The following BEND6 variants were observed in gnomAD, a reference collection of about 807,000 sequenced individuals.
BEND6 encodes the protein BEN domain-containing protein 6.
BEND6 carries 24 observed loss-of-function variants against 31.8 expected under a neutral mutation model. That is an observed-to-expected ratio of 0.75 (90% CI 0.55 to 1.06). The LOEUF (loss-of-function observed/expected upper bound fraction) is 1.06, where lower values mean the gene tolerates loss of function less well. Ranked by LOEUF, BEND6 falls within the 50% of genes least tolerant of loss-of-function variation. The pLI is 0.00. For synonymous variants in BEND6, 109 were observed against 114.6 expected, an observed-to-expected ratio of 0.95 and a Z score of 0.31; for missense variants, 294 against 327.4, an observed-to-expected ratio of 0.90 and a Z score of 0.79.
At chr6:56,957,710 A>G (rs1482806410) in intron 1 of BEND6, among the ~76,000 whole-genome samples, 1 of 152,234 alleles carries the variant, frequency 6.6e-6, no homozygotes, top group Non-Finnish European at 1.5e-5. Flanking sequence ...AAAATTCATA[A>G]TGGAAAAGTA....
At chr6:56,999,532 A>G (rs1826846418) in intron 3 of BEND6, among the ~76,000 whole-genome samples, 1 of 152,174 alleles carries the variant, frequency 6.6e-6, no homozygotes, top group South Asian at 2.1e-4. Flanking sequence ...AACTAGGCAC[A>G]CCTCTGGGCG....
chr6:56,998,962 G>A (rs998847508), intron 3 of BEND6, among the ~76,000 whole-genome samples: 1 of 152,182 alleles, frequency 6.6e-6, no homozygotes, highest in Non-Finnish European at 1.5e-5. Context: ...AAATAATTCT[G>A]TTTAAAAATG....
chr6:57,023,087 G>A, intron 6 of BEND6, among the ~76,000 whole-genome samples: 1 of 152,292 alleles, frequency 6.6e-6, no homozygotes, highest in Middle Eastern at 3.4e-3. Context: ...TGAAAACAAT[G>A]TGTATTTTAT....
At chr6:56,972,946 A>G (rs1825740388) in intron 1 of BEND6, among the ~76,000 whole-genome samples, 1 of 152,216 alleles carries the variant, frequency 6.6e-6, no homozygotes, top group Admixed American at 6.5e-5. Context: ...TAGTGGCCCT[A>G]TAAGATAGAC....
chr6:57,024,943 G>A (rs867526241), intron 6 of BEND6, among the ~76,000 whole-genome samples: 41 of 152,064 alleles, frequency 2.7e-4, no homozygotes, highest in African/African-American at 9.7e-4. Context: ...TTTTCAAAAA[G>A]CCTGTCTTTG....
At chr6:56,962,046 C>T (rs769596621) in intron 1 of BEND6, among the ~76,000 whole-genome samples, 27 of 152,186 alleles carry the variant, frequency 1.8e-4, no homozygotes, top group Non-Finnish European at 2.1e-4. Flanking sequence ...AGGGCTCTGC[C>T]CTCATGAATG....
At chr6:57,018,968 T>A (rs1297779468) in intron 6 of BEND6, among the ~76,000 whole-genome samples, 1 of 152,190 alleles carries the variant, frequency 6.6e-6, no homozygotes, top group African/African-American at 2.4e-5. Flanking sequence ...CAGAGGAGAT[T>A]TAGACCCTTG....
chr6:56,964,505 T>C (rs1183526761), intron 1 of BEND6, among the ~76,000 whole-genome samples: 1 of 152,002 alleles, frequency 6.6e-6, no homozygotes, highest in Non-Finnish European at 1.5e-5. Flanking sequence ...TCTGTCTTTT[T>C]GTCTTTTTTT....
At chr6:57,013,020 C>T (rs1466998357) in intron 3 of BEND6, among the ~76,000 whole-genome samples, 1 of 152,182 alleles carries the variant, frequency 6.6e-6, no homozygotes, top group Admixed American at 6.5e-5. Context: ...TTGCCCCACC[C>T]AAGTCAAGCC....
intron 2 of BEND6, among the ~76,000 whole-genome samples, chr6:56,985,120 A>G (rs1562543601): frequency 6.6e-6 from 1 of 152,196 alleles, no homozygotes; most frequent in Non-Finnish European, 1.5e-5. Context: ...TGACTGTTGT[A>G]CCAAATATGC....
chr6:57,008,349 C>G (rs896668849), intron 3 of BEND6: 13 of 642,246 alleles, frequency 2.0e-5, no homozygotes, highest in Non-Finnish European at 3.4e-5. Context: ...TACTACTGAT[C>G]ATGTTTCATT....
At chr6:56,962,879 C>T (rs1010982109) in intron 1 of BEND6, among the ~76,000 whole-genome samples, 27 of 152,252 alleles carry the variant, frequency 1.8e-4, no homozygotes, top group African/African-American at 6.3e-4. Context: ...GAATGGCTAC[C>T]TTGATGTGGA....
chr6:56,963,616 A>G (rs1825362238), intron 1 of BEND6, among the ~76,000 whole-genome samples: 1 of 151,972 alleles, frequency 6.6e-6, no homozygotes, highest in Admixed American at 6.6e-5. Flanking sequence ...ATTTTTACAA[A>G]AGATTGAGGT....
At chr6:56,978,740 T>C (rs578091432) in intron 1 of BEND6, among the ~76,000 whole-genome samples, 3 of 152,354 alleles carry the variant, frequency 2.0e-5, no homozygotes, top group Non-Finnish European at 4.4e-5. Flanking sequence ...AAAGTTTTAC[T>C]GCAAATATTT....
chr6:56,993,028 G>A (rs1016446632), intron 3 of BEND6, among the ~76,000 whole-genome samples: 1 of 152,014 alleles, frequency 6.6e-6, no homozygotes, highest in Non-Finnish European at 1.5e-5. Context: ...TTTCTGTTGG[G>A]AAGAGTGTCT....
intron 1 of BEND6, among the ~76,000 whole-genome samples, chr6:56,973,949 T>G (rs1038346257): frequency 1.3e-5 from 2 of 152,126 alleles, no homozygotes; most frequent in Non-Finnish European, 1.5e-5. Context: ...GATGTGCTTT[T>G]GCCATGTTGT....
chr6:57,003,714 A>G (rs1222098226), intron 3 of BEND6, among the ~76,000 whole-genome samples: 1 of 152,206 alleles, frequency 6.6e-6, no homozygotes, highest in Non-Finnish European at 1.5e-5. Flanking sequence ...AAAACTTTGC[A>G]AAGACACAAT....
intron 2 of BEND6, among the ~76,000 whole-genome samples, chr6:56,987,735 C>T (rs1317200764): frequency 3.9e-5 from 6 of 152,050 alleles, no homozygotes; most frequent in African/African-American, 1.4e-4. Context: ...TATGTTATAC[C>T]TTTGCTTCTT....
chr6:57,010,526 C>CT lies in BEND6; in HGVS notation c.299-4607_299-4606insT, dbSNP rs150701728. The stretch of plus-strand genomic sequence containing the variant: ...ATTTTAAATACACCTTTTAGAGATG[C>CT]CTACAGAAATATTTACAGATAAAAA... On this transcript the variant is annotated intron_variant, in intron 3 of 6. Transcript: ENST00000370746. 700 of 228,812 alleles carry CT rather than the reference C, an allele frequency of 3.1e-3. 6 individuals carry two copies. The highest frequency in any genetic ancestry group is 0.016 in the African/African-American group (666 of 42,860). 14.2% of individuals were successfully genotyped at this position (228,812 alleles called of 1,614,324 possible).
Sources: allele counts gnomAD v4.1 joint callset (sites outside exome capture counted in the v4.1 genomes callset), GRCh38; gene constraint gnomAD v4.1.1; transcripts MANE v1.5; gene names NCBI Gene and HGNC (gene_info 2026-07-23, HGNC 2026-07-21).